Variants in MIB1 observed in about 807,000 individuals in gnomAD.
MIB1 encodes the protein E3 ubiquitin-protein ligase MIB1.
In MIB1, 278 loss-of-function variants were observed where a neutral mutation model predicts 124.5. The ratio of observed to expected loss-of-function variants is 2.23; its 90% CI spans 2.02 to 2.47. The LOEUF (loss-of-function observed/expected upper bound fraction) is 2.47. Ranked by LOEUF, MIB1 falls within the 30% of genes most tolerant of loss-of-function variation. The probability of loss-of-function intolerance (pLI) is 0.00; values close to 1 mark genes in which losing one functional copy is unlikely to be tolerated. For missense variants in MIB1, 957 were observed against 1,254.4 expected (o/e 0.76, Z 3.58); for synonymous variants, 446 against 429.4 (o/e 1.04, Z -0.48).
intron 1 of MIB1, among the ~76,000 whole-genome samples, chr18:21,761,964 AATGGGT>A (rs2041103029): frequency 6.6e-6 from 1 of 152,032 alleles, no homozygotes; most frequent in Admixed American, 6.6e-5. Flanking sequence ...AACTGCTAAT[AATGGGT>A]GGGAGTACAC....
chr18:21,756,429 C>T (rs1374962656), intron 1 of MIB1, among the ~76,000 whole-genome samples: 2 of 152,030 alleles, frequency 1.3e-5, no homozygotes, highest in Admixed American at 6.6e-5. Flanking sequence ...TGAGTTTTTA[C>T]CAGTTAGTGC....
chr18:21,812,206 T>A, intron 10 of MIB1, among the ~76,000 whole-genome samples: 1 of 152,122 alleles, frequency 6.6e-6, no homozygotes, highest in East Asian at 1.9e-4. Flanking sequence ...GCACTCCAGG[T>A]CTAGGGAGTA....
chr18:21,754,770 G>T (rs982616413), intron 1 of MIB1, among the ~76,000 whole-genome samples: 2 of 152,204 alleles, frequency 1.3e-5, no homozygotes, highest in Non-Finnish European at 2.9e-5. Flanking sequence ...AACTACAAAA[G>T]TTAGGGCCAC....
intron 5 of MIB1, 101 bp from the exon 6 acceptor site, chr18:21,779,380 T>A (rs2041330949): frequency 1.1e-6 from 1 of 877,616 alleles, no homozygotes; most frequent in African/African-American, 1.7e-5. Flanking sequence ...AACTAGATGG[T>A]ACCTGAAACT....
At chr18:21,722,331 G>A (rs1396267337) in intron 1 of MIB1, among the ~76,000 whole-genome samples, 2 of 151,894 alleles carry the variant, frequency 1.3e-5, no homozygotes, top group East Asian at 3.9e-4. Context: ...TGGGATTACA[G>A]GCATGAGCCA....
At chr18:21,802,381 G>C (rs1048351367) in intron 9 of MIB1, among the ~76,000 whole-genome samples, 15 of 149,964 alleles carry the variant, frequency 1.0e-4, no homozygotes, top group African/African-American at 3.2e-4. Flanking sequence ...TTTTTTTCCT[G>C]TTTTTTTTCT....
chr18:21,731,371 T>A (rs980149196), intron 1 of MIB1, among the ~76,000 whole-genome samples: 3 of 152,224 alleles, frequency 2.0e-5, no homozygotes, highest in African/African-American at 7.2e-5. Context: ...ATTGTATGAC[T>A]ATACTGCAAG....
intron 1 of MIB1, among the ~76,000 whole-genome samples, chr18:21,748,684 G>T (rs1409410105): frequency 6.7e-6 from 1 of 149,598 alleles, no homozygotes. Context: ...ATCTGCCTTG[G>T]CCTCCCAAAG....
chr18:21,725,440 C>T (rs1461265247), intron 1 of MIB1, among the ~76,000 whole-genome samples: 1 of 152,126 alleles, frequency 6.6e-6, no homozygotes, highest in Non-Finnish European at 1.5e-5. Context: ...TCCCTAGTCC[C>T]CACTCCCCAT....
chr18:21,823,476 G>A (rs557142894), intron 12 of MIB1, among the ~76,000 whole-genome samples: 3 of 152,004 alleles, frequency 2.0e-5, no homozygotes, highest in East Asian at 3.9e-4. Flanking sequence ...CTGATGAAGT[G>A]TCTAGATGTC....
chr18:21,706,786 G>A (rs1414470198), intron 1 of MIB1, among the ~76,000 whole-genome samples: 1 of 152,184 alleles, frequency 6.6e-6, no homozygotes, highest in Non-Finnish European at 1.5e-5. Flanking sequence ...AGCCCGCCAT[G>A]CCTGAGCCGC....
chr18:21,731,249 G>A (rs1317296802), intron 1 of MIB1, among the ~76,000 whole-genome samples: 1 of 152,158 alleles, frequency 6.6e-6, no homozygotes, highest in Non-Finnish European at 1.5e-5. Flanking sequence ...CCTCCAGAGT[G>A]TAGGTACTTT....
intron 1 of MIB1, among the ~76,000 whole-genome samples, chr18:21,764,666 C>T (rs767634350): frequency 1.8e-4 from 27 of 151,974 alleles, no homozygotes; most frequent in Non-Finnish European, 3.2e-4. Context: ...AACTTCAGCA[C>T]GGCTAATCTT....
intron 1 of MIB1, among the ~76,000 whole-genome samples, chr18:21,742,139 G>C (rs2040860949): frequency 6.6e-6 from 1 of 152,174 alleles, no homozygotes; most frequent in African/African-American, 2.4e-5. Context: ...GTCTGGAGAG[G>C]CCTATCTAAT....
At chr18:21,843,623 C>T (rs945179052) in intron 14 of MIB1, among the ~76,000 whole-genome samples, 1 of 152,198 alleles carries the variant, frequency 6.6e-6, no homozygotes, top group Non-Finnish European at 1.5e-5. Context: ...TTGATATCCT[C>T]CATGGCTTTC....
intron 12 of MIB1, among the ~76,000 whole-genome samples, chr18:21,821,492 G>T (rs181239468): frequency 6.6e-6 from 1 of 151,702 alleles, no homozygotes; most frequent in Non-Finnish European, 1.5e-5. Context: ...GCCCCATCCC[G>T]CTTCTTTATC....
At chr18:21,769,380 G>T (rs1261178088) in intron 3 of MIB1, among the ~76,000 whole-genome samples, 1 of 152,210 alleles carries the variant, frequency 6.6e-6, no homozygotes, top group East Asian at 1.9e-4. Flanking sequence ...CTTGGGCAGT[G>T]TATCCACAGT....
At position 21,870,044 on chromosome 18, in the gene MIB1, G is replaced by A. The variant is rs924235564; in HGVS notation, c.*5378G>A. The stretch of plus-strand genomic sequence containing the variant: ...AATATTGGATTAAAGTCTTGTTTGT[G>A]AATATAGTTTCCGTATGGCAAATGA... On this transcript the variant is annotated 3_prime_UTR_variant, in exon 21 of 21. Coordinates refer to ENST00000261537, the MANE Select transcript of MIB1 (RefSeq NM_020774.4). The A allele has an allele frequency of 6.6e-6, 1 of 152,428 alleles. No individual in the cohort carries two copies. Among genetic ancestry groups the A allele is most frequent in the African/African-American group, 2.4e-5 (1 of 41,412 alleles). The allele number at this position is 152,428 out of a possible 1,614,324, so 9.4% of individuals were successfully genotyped here.
chr18:21,796,330 G>C (rs564173087), intron 7 of MIB1, among the ~76,000 whole-genome samples: 2 of 151,996 alleles, frequency 1.3e-5, no homozygotes, highest in South Asian at 4.1e-4. Context: ...ACTCATAAGT[G>C]GGAGTTGAGC....
Sources: allele counts gnomAD v4.1 joint callset (sites outside exome capture counted in the v4.1 genomes callset), GRCh38; gene constraint gnomAD v4.1.1; transcripts MANE v1.5; gene names NCBI Gene and HGNC (gene_info 2026-07-23, HGNC 2026-07-21).